The following SCARA3 variants were observed in gnomAD, a reference collection of about 807,000 sequenced individuals.
SCARA3 encodes the protein scavenger receptor class A member 3.
SCARA3 carries 39 observed loss-of-function variants against 47.0 expected under a neutral mutation model. That is an observed-to-expected ratio of 0.83 (90% CI 0.64 to 1.08). The LOEUF is 1.08. Among genes scored for constraint, SCARA3 ranks in the 50% least tolerant of loss-of-function variants. SCARA3 has a pLI of 0.00. For missense variants in SCARA3, 724 were observed against 792.3 expected, an observed-to-expected ratio of 0.91 and a Z score of 1.04; for synonymous variants, 356 against 334.1, an observed-to-expected ratio of 1.07 and a Z score of -0.71.
At chr8:27,725,097 C>T in the SCARA3 span, among the ~76,000 whole-genome samples, 1 of 152,186 alleles carries the variant, frequency 6.6e-6, no homozygotes, top group Non-Finnish European at 1.5e-5. Flanking sequence ...CTGCAGTGAG[C>T]TGTGATTGCA....
At chr8:27,638,762 A>G (rs749612820) in intron 1 of SCARA3, among the ~76,000 whole-genome samples, 22 of 152,298 alleles carry the variant, frequency 1.4e-4, no homozygotes. Flanking sequence ...ACTAGGACAC[A>G]TAGGATTTGT....
intron 1 of SCARA3, among the ~76,000 whole-genome samples, chr8:27,641,545 A>T (rs897576118): frequency 9.9e-5 from 15 of 152,226 alleles, no homozygotes; most frequent in African/African-American, 3.6e-4. Context: ...CAATTCGAAG[A>T]AAGCAGGCTG....
downstream of SCARA3, among the ~76,000 whole-genome samples, chr8:27,674,859 G>C (rs2128924893): frequency 6.6e-6 from 1 of 151,436 alleles, no homozygotes; most frequent in Non-Finnish European, 1.5e-5. Flanking sequence ...CTCCCGAGTA[G>C]CTGGGACTAC....
the SCARA3 span, among the ~76,000 whole-genome samples, chr8:27,692,235 C>A: frequency 2.0e-5 from 3 of 152,116 alleles, no homozygotes; most frequent in African/African-American, 7.2e-5. Flanking sequence ...GCCTGACCAA[C>A]ATGGAGAAAC....
In SCARA3 at chr8:27,633,972, G is replaced by C. The variant is rs1801190432; in HGVS notation, c.-229G>C. The C allele has an allele frequency of 4.6e-6, 1 of 215,806 alleles. No homozygotes were observed. The highest frequency in any genetic ancestry group is 9.0e-6 in the Non-Finnish European group (1 of 111,406). 13.4% of individuals were successfully genotyped at this position (215,806 alleles called of 1,614,324 possible). A position where few individuals can be genotyped will look rare whatever the true frequency, so the allele number is the denominator to read the frequency against. ...CGCGCTCTGGGCGGCGGGGCGCGGC[G>C]CTAGGCGCCCGGCGGGGCTTCCCCA... is the stretch of plus-strand genomic sequence containing the variant. On this transcript the variant is annotated 5_prime_UTR_variant, in exon 1 of 6. Coordinates refer to ENST00000301904, the MANE Select transcript of SCARA3 (RefSeq NM_016240.3).
At chr8:27,700,162 T>C in the SCARA3 span, among the ~76,000 whole-genome samples, 6 of 152,126 alleles carry the variant, frequency 3.9e-5, no homozygotes, top group Admixed American at 3.3e-4. Context: ...ATAAATTGGA[T>C]TATATCAAAA....
At chr8:27,719,704 A>G in the SCARA3 span, among the ~76,000 whole-genome samples, 1 of 152,152 alleles carries the variant, frequency 6.6e-6, no homozygotes, top group Admixed American at 6.5e-5. Context: ...TGCTTGGTAA[A>G]CATCCTATTA....
chr8:27,689,746 G>T, the SCARA3 span, among the ~76,000 whole-genome samples: 2 of 152,304 alleles, frequency 1.3e-5, no homozygotes, highest in Admixed American at 1.3e-4. Context: ...TGCTTAGGCT[G>T]GGCCGGACCT....
At chr8:27,636,872 T>G (rs1801264499) in intron 1 of SCARA3, among the ~76,000 whole-genome samples, 1 of 152,136 alleles carries the variant, frequency 6.6e-6, no homozygotes, top group Non-Finnish European at 1.5e-5. Flanking sequence ...AGCAAATAAT[T>G]GGCTTCCGGG....
At chr8:27,692,071 A>G in the SCARA3 span, among the ~76,000 whole-genome samples, 1 of 152,144 alleles carries the variant, frequency 6.6e-6, no homozygotes, top group Non-Finnish European at 1.5e-5. Context: ...GACATACCTC[A>G]TTATACCCTC....
chr8:27,673,640 G>A (rs112896667), downstream of SCARA3, among the ~76,000 whole-genome samples: 10 of 152,264 alleles, frequency 6.6e-5, no homozygotes, highest in Admixed American at 2.0e-4. Context: ...GGACCTCACC[G>A]CTTCCTCTAT....
At chr8:27,641,624 A>G (rs377720715) in intron 1 of SCARA3, among the ~76,000 whole-genome samples, 1 of 152,178 alleles carries the variant, frequency 6.6e-6, no homozygotes, top group Non-Finnish European at 1.5e-5. Flanking sequence ...ACCCTTGGGG[A>G]CTGGGCTGGG....
intron 1 of SCARA3, among the ~76,000 whole-genome samples, chr8:27,644,567 C>G (rs1376870857): frequency 6.6e-6 from 1 of 151,972 alleles, no homozygotes; most frequent in Non-Finnish European, 1.5e-5. Context: ...CAAGCCCATC[C>G]GCTCCTGCCA....
Position 27,671,724 on chromosome 8 carries a change from GCA to G in SCARA3, c.*382_*383del, listed in dbSNP as rs781689628. On this transcript the variant is annotated 3_prime_UTR_variant, in exon 6 of 6. Coordinates refer to ENST00000301904, the MANE Select transcript of SCARA3 (RefSeq NM_016240.3). ...CACACATGCATGCACACATACACAT[GCA>G]CACACACATGCACACATATATGCAC... 162 of 1,039,572 alleles carry G rather than the reference GCA, an allele frequency of 1.6e-4. No individual in the cohort carries two copies. The highest frequency in any genetic ancestry group is 4.5e-4 in the Middle Eastern group (1 of 2,232). 64.4% of individuals were successfully genotyped at this position (1,039,572 alleles called of 1,614,324 possible).
At chr8:27,635,741 C>G (rs1801237028) in intron 1 of SCARA3, among the ~76,000 whole-genome samples, 1 of 152,124 alleles carries the variant, frequency 6.6e-6, no homozygotes, top group Non-Finnish European at 1.5e-5. Context: ...CAGCCTTGAT[C>G]CACCATGAGG....
Position 27,672,489 on chromosome 8 carries a change from C to G in SCARA3, c.*1138C>G. The G allele has an allele frequency of 4.1e-6, 4 of 985,696 alleles. No homozygotes were observed. The highest frequency in any genetic ancestry group is 4.8e-6 in the Non-Finnish European group (4 of 830,118). 61.1% of individuals were successfully genotyped at this position (985,696 alleles called of 1,614,324 possible). On this transcript the variant is annotated 3_prime_UTR_variant, in exon 6 of 6. Transcript: ENST00000301904. ...GAGGATTAGGCTGCAGAAGGGCCAA[C>G]CCCTTGCAACAGGGCAGCTCTCGCC...
At chr8:27,720,021 T>C in the SCARA3 span, among the ~76,000 whole-genome samples, 1 of 152,080 alleles carries the variant, frequency 6.6e-6, no homozygotes, top group Non-Finnish European at 1.5e-5. Context: ...CCTGAAGATG[T>C]TGGAGCTAAG....
the SCARA3 span, among the ~76,000 whole-genome samples, chr8:27,729,336 C>T: frequency 6.6e-6 from 1 of 152,284 alleles, no homozygotes; most frequent in African/African-American, 2.4e-5. Flanking sequence ...CATCCCAGCC[C>T]CCACAGCTCA....
the SCARA3 span, among the ~76,000 whole-genome samples, chr8:27,728,120 T>C: frequency 6.6e-6 from 1 of 152,198 alleles, no homozygotes; most frequent in Non-Finnish European, 1.5e-5. Context: ...CTTGCCTCAT[T>C]TAGCAAGTGG....
Sources: allele counts gnomAD v4.1 joint callset (sites outside exome capture counted in the v4.1 genomes callset), GRCh38; gene constraint gnomAD v4.1.1; transcripts MANE v1.5; gene names NCBI Gene and HGNC (gene_info 2026-07-23, HGNC 2026-07-21).